Variants in EVPL observed in about 807,000 individuals in gnomAD.
EVPL encodes the protein envoplakin, also known as 210 kDa cornified envelope precursor protein.
A neutral mutation model predicts 129.7 loss-of-function variants in EVPL; 94 were observed. That is an observed-to-expected ratio of 0.72 (90% confidence interval 0.61 to 0.86). The LOEUF (loss-of-function observed/expected upper bound fraction) is 0.86. Among genes scored for constraint, EVPL ranks in the 40% least tolerant of loss-of-function variants. The probability of loss-of-function intolerance (pLI) is 0.00; values close to 1 mark genes in which losing one functional copy is unlikely to be tolerated. For missense variants in EVPL, 2,625 were observed against 2,721.1 expected (o/e 0.96, Z 0.79); for synonymous variants, 1,172 against 1,191.1 (o/e 0.98, Z 0.33).
rs144952445 is a variant in EVPL, at chr17:76,009,622, G to A, written c.3583C>T (p.Arg1195Cys). 1.1e-3 allele frequency: 1,808 copies of A among 1,613,798 alleles called. 2 individuals carry two copies. The highest frequency in any genetic ancestry group is 1.4e-3 in the Non-Finnish European group (1,710 of 1,180,006). The change falls in exon 22 of 22, where the codon CGC becomes TGC. Residue 1195 changes from arginine to cysteine, a missense_variant. Physicochemically the swap from Arg to Cys is radical, Grantham distance 180 (BLOSUM62 -3). Coordinates refer to ENST00000301607, the MANE Select transcript of EVPL (RefSeq NM_001988.4). This position sits in a 1 kb window ranked among gnomAD's most constrained non-coding sequence, Gnocchi z 5.9. ...KQRPKVQLQE[R>C]VHEIFQVDPE... is the part of the protein sequence containing the mutation. ...TCCACCTGGAAGATCTCGTGGACGC[G>A]CTCCTGGAGCTGCACTTTGGGCCTC...
intron 8 of EVPL, 39 bp from the exon 9 acceptor site, chr17:76,021,602 C>T: frequency 6.9e-7 from 1 of 1,446,252 alleles, no homozygotes; most frequent in Non-Finnish European, 9.1e-7. Context: ...CCACGCCCCC[C>T]CCACGTCCGC....
chr17:76,019,959 C>T (rs112818053), intron 9 of EVPL, among the ~76,000 whole-genome samples: 1 of 149,936 alleles, frequency 6.7e-6, no homozygotes, highest in African/African-American at 2.5e-5. Flanking sequence ...ACACAAACCA[C>T]CTAAACCGAA....
intron 14 of EVPL, among the ~76,000 whole-genome samples, chr17:76,015,964 CG>C (rs1412079058): frequency 6.6e-6 from 1 of 151,934 alleles, no homozygotes; most frequent in Non-Finnish European, 1.5e-5. Flanking sequence ...GCCAACATGG[CG>C]AAACCCTGTC....
intron 9 of EVPL, among the ~76,000 whole-genome samples, chr17:76,020,672 TC>T (rs1019702316): frequency 2.0e-5 from 3 of 151,990 alleles, no homozygotes; most frequent in African/African-American, 7.2e-5. Flanking sequence ...TTATTTAATT[TC>T]CCCCCACCTC....
In EVPL at chr17:76,008,533, G is replaced by T. The variant is rs897387869; in HGVS notation, c.4672C>A (p.Arg1558=). 1 of 1,607,246 alleles carries T rather than the reference G, an allele frequency of 6.2e-7. No individual in the cohort carries two copies. The highest frequency in any genetic ancestry group is 2.2e-5 in the East Asian group (1 of 44,852). The change falls in exon 22 of 22, where the codon CGG becomes AGG. Residue 1558 remains arginine, a synonymous_variant. Coordinates refer to ENST00000301607, the MANE Select transcript of EVPL (RefSeq NM_001988.4). The surrounding 1 kb of genome is among the most constrained non-coding windows in gnomAD (Gnocchi z 7.4). ...CGGTCAATGCGCTCCCGCAGGCGCC[G>T]TGCCTCCTCCTCCCGGGCCTGCCGG... ...TARQAREEEA[R]RLRERIDRAE... is the part of the protein sequence containing the mutation.
chr17:76,010,994 G>A (rs370151139), intron 21 of EVPL, among the ~76,000 whole-genome samples: 13 of 152,144 alleles, frequency 8.5e-5, no homozygotes, highest in Non-Finnish European at 1.6e-4. Flanking sequence ...CCAGGGAGGC[G>A]GAGGTTGCAG....
At position 76,017,790 on chromosome 17, in the gene EVPL, C is replaced by T. The variant is rs771673810; in HGVS notation, c.1659G>A (p.Leu553=). The change falls in exon 14 of 22, where the codon CTG becomes CTA. Residue 553 remains leucine, a synonymous_variant. Transcript: ENST00000301607. ...RQVLAWARAP[L]SRPTPLEDLE... ...AGTCCTCCAAGGGTGTGGGGCGGCT[C>T]AGCGGGGCCCGCGCCCAGGCCAGCA... 12 of 1,613,148 alleles carry T rather than the reference C, an allele frequency of 7.4e-6. No homozygotes were observed. The African/African-American group carries it at 9.3e-5, about 13-fold the overall frequency.
chr17:76,015,594 T>C lies in EVPL; in HGVS notation c.1745A>G (p.Glu582Gly). 1 of 1,613,478 alleles carries C rather than the reference T, an allele frequency of 6.2e-7. No homozygotes were observed. The highest frequency in any genetic ancestry group is 1.1e-5 in the South Asian group (1 of 91,076). The change falls in exon 15 of 22, where the codon GAG becomes GGG. Residue 582 changes from glutamate (E) to glycine (G), a missense_variant. By Grantham distance (98) the Glu-to-Gly change is moderately conservative. Transcript: ENST00000301607. The part of the protein sequence containing the change: ...TAQRLQSLGT[E>G]KETAQKECEA... ...GCACTCCTTCTGGGCTGTCTCCTTC[T>C]CCGTTCCCAGGCTCTGCAGGCGCTG...
Position 76,007,765 on chromosome 17 carries a change from G to A in EVPL, c.5440C>T (p.Pro1814Ser), listed in dbSNP as rs7342883. ...TCACCGAGCCCGAGAGAGAAGCTGGGAGAGAAGAAACTGGTGCTCTGGGGG... is the reference window on the plus strand; with the variant it reads ...TCACCGAGCCCGAGAGAGAAGCTGGAAGAGAAGAAACTGGTGCTCTGGGGG... Reference protein sequence around the residue: ...PAPQSTSFFSPSFSLGLGDDS... With the variant: ...PAPQSTSFFSSSFSLGLGDDS... The change falls in exon 22 of 22, where the codon CCC (proline) becomes TCC (serine). Residue 1814 changes from proline (P) to serine (S), a missense_variant. Transcript: ENST00000301607. The surrounding 1 kb of genome is among the most constrained non-coding windows in gnomAD (Gnocchi z 8.8). 116,803 of 1,612,376 alleles carry A rather than the reference G, an allele frequency of 0.072. 11,970 individuals are homozygous for A. Among genetic ancestry groups the A allele is most frequent in the African/African-American group, 0.5 (37,437 of 74,820 alleles).
At position 76,009,403 on chromosome 17, in the gene EVPL, G is replaced by A. The variant is rs750785273; in HGVS notation, c.3802C>T (p.Arg1268Cys). The A allele has an allele frequency of 2.0e-5, 33 of 1,613,850 alleles. No individual in the cohort carries two copies. Among genetic ancestry groups the A allele is most frequent in the African/African-American group, 8.0e-5 (6 of 74,884 alleles). ...TGAGCCTTCAGGCGGTCGATCTCAC[G>A]CAGCACCTCGGGGCTCCTCTCATGC... ...VRHERSPEVL[R>C]EIDRLKAQLN... The change falls in exon 22 of 22, where the codon CGT (arginine) becomes TGT (cysteine). Residue 1268 changes from arginine (R) to cysteine (C), a missense_variant. Around this residue, in one of 4 missense-constraint regions of EVPL, gnomAD observed 1,453 missense variants for 1,511.8 expected, o/e 0.96. Coordinates refer to ENST00000301607, the MANE Select transcript of EVPL (RefSeq NM_001988.4). The surrounding 1 kb of genome is among the most constrained non-coding windows in gnomAD (Gnocchi z 5.9).
rs2066337773 is a variant in EVPL at position 76,008,195 on chromosome 17, C to T, written c.5010G>A (p.Glu1670=). The T allele has an allele frequency of 2.5e-6, 4 of 1,613,954 alleles. No homozygotes were observed. The Admixed American group carries it at 5.0e-5, about 20-fold the overall frequency. Residue 1670 remains glutamate, a synonymous_variant, in exon 22 of 22, where the codon GAG becomes GAA. Transcript: ENST00000301607. The surrounding 1 kb of genome is among the most constrained non-coding windows in gnomAD (Gnocchi z 7.4). The part of the protein sequence containing the change: ...RDLHAKVSRE[E]LSQETQTRET... ...CTCGCGTCTGGGTCTCCTGGCTGAG[C>T]TCCTCCCGGCTCACCTTGGCGTGGA...
At position 76,008,333 on chromosome 17, in the gene EVPL, C is replaced by T. The variant is rs917873460; in HGVS notation, c.4872G>A (p.Thr1624=). 6.2e-6 allele frequency: 10 copies of T among 1,605,730 alleles called. No individual in the cohort carries two copies. The highest frequency in any genetic ancestry group is 2.2e-5 in the East Asian group (1 of 44,870). Residue 1624 remains threonine (T), a synonymous_variant, in exon 22 of 22, where the codon ACG becomes ACA. Coordinates refer to ENST00000301607, the MANE Select transcript of EVPL (RefSeq NM_001988.4). The surrounding 1 kb of genome is among the most constrained non-coding windows in gnomAD (Gnocchi z 7.4). ...GGGCCGCCTTCTGTCGCTCGCTCTC[C>T]GTCTTCTGGCTGAGCAGCTTCGACT... ...QEESKLLSQK[T]ESERQKAAQR... is the part of the protein sequence containing the mutation.
Position 76,023,615 on chromosome 17 carries a change from G to T in EVPL, c.238C>A (p.Gln80Lys), listed in dbSNP as rs1285865563. Residue 80 changes from glutamine to lysine, a missense_variant, in exon 3 of 22, where the codon CAG becomes AAG. Physicochemically the swap from Gln to Lys is moderately conservative, Grantham distance 53. Around this residue, in one of 4 missense-constraint regions of EVPL, gnomAD observed 139 missense variants for 186.8 expected, o/e 0.74. Coordinates refer to ENST00000301607, the MANE Select transcript of EVPL (RefSeq NM_001988.4). ...NSEQSQALQH[Q>K]QETGRSLKEA... ...TTCAGGCTGCGGCCCGTCTCCTGCT[G>T]GTGCTGCAGGGCCTGGCTCTGCTCA... 1.2e-6 allele frequency: 2 copies of T among 1,605,428 alleles called. No homozygotes were observed. Among genetic ancestry groups the T allele is most frequent in the Non-Finnish European group, 8.5e-7 (1 of 1,176,862 alleles).
intron 2 of EVPL, 42 bp downstream of exon 2, chr17:76,023,979 C>T (rs1185129307): frequency 1.9e-6 from 3 of 1,583,214 alleles, no homozygotes; most frequent in African/African-American, 2.7e-5. Context: ...TCCCATGCCA[C>T]CCAGCCTGTC....
At chr17:76,014,643 G>A in intron 17 of EVPL, 67 bp from the exon 18 acceptor site, 3 of 1,565,820 alleles carry the variant, frequency 1.9e-6, no homozygotes, top group Non-Finnish European at 2.6e-6. Context: ...AGGTGCACAG[G>A]GAGGCTGATG....
At position 76,022,619 on chromosome 17, in the gene EVPL, G is replaced by A. The variant is rs2066470695; in HGVS notation, c.481-81C>T. On this transcript the variant is annotated intron_variant, in intron 4 of 21. Transcript: ENST00000301607. This position sits in a 1 kb window ranked among gnomAD's most constrained non-coding sequence, Gnocchi z 5.6. ...CCCCACACGCCTCCCACCCGGAGAA[G>A]TGGACTTGGTCATTTGGGCAGAGCG... is the stretch of plus-strand genomic sequence containing the variant. 1 of 1,503,226 alleles carries A rather than the reference G, an allele frequency of 6.7e-7. No homozygotes were observed. Among genetic ancestry groups the A allele is most frequent in the Non-Finnish European group, 8.9e-7 (1 of 1,124,992 alleles). 93.1% of individuals were successfully genotyped at this position (1,503,226 alleles called of 1,614,324 possible).
intron 13 of EVPL, 31 bp downstream of exon 13, chr17:76,018,130 C>T (rs1049320157): frequency 5.8e-6 from 9 of 1,550,374 alleles, no homozygotes; most frequent in Non-Finnish European, 7.0e-6. Context: ...TCTAGCCCCA[C>T]AGCCACCTCT....
At chr17:76,025,882 C>T (rs1331545828) in intron 1 of EVPL, among the ~76,000 whole-genome samples, 3 of 152,314 alleles carry the variant, frequency 2.0e-5, no homozygotes, top group South Asian at 2.1e-4. Flanking sequence ...TCCAGAGAGC[C>T]GGGTGGTCCA....
rs1320767218 is a variant in EVPL at position 76,022,533 on chromosome 17, C to A, written c.486G>T (p.Gln162His). ...WARVLEQKQK[Q>H]VCAGQYGPGM... ...CCGGCCCGTACTGGCCTGCGCAGAC[C>A]TGCTTCTGCAGGAGAGCCGGCGGCT... Residue 162 changes from glutamine (Q) to histidine (H), a missense_variant, in exon 5 of 22, where the codon CAG becomes CAT. This residue lies in a region of EVPL where 1,024 missense variants were observed against 997.5 expected (regional missense o/e 1.03). Coordinates refer to ENST00000301607, the MANE Select transcript of EVPL (RefSeq NM_001988.4). The surrounding 1 kb of genome is among the most constrained non-coding windows in gnomAD (Gnocchi z 5.6). The A allele has an allele frequency of 1.2e-6, 2 of 1,605,766 alleles. No homozygotes were observed. The highest frequency in any genetic ancestry group is 1.7e-6 in the Non-Finnish European group (2 of 1,176,908).
Sources: gnomAD v4.1 joint callset for allele counts (sites outside exome capture counted in the v4.1 genomes callset) on GRCh38, gnomAD v4.1.1 for gene constraint, gnomAD v4.1.1 regional missense constraint, Gnocchi (gnomAD v3.1) non-coding constraint, MANE v1.5 for transcripts, NCBI Gene and HGNC (gene_info 2026-07-23, HGNC 2026-07-21) for gene names.